PDS5A: variants seen among roughly 807,000 people sequenced by gnomAD.
The protein encoded by PDS5A is sister chromatid cohesion protein PDS5 homolog A.
PDS5A carries 42 observed loss-of-function variants against 167.1 expected under a neutral mutation model. The ratio of observed to expected loss-of-function variants is 0.25; its 90% CI spans 0.20 to 0.33. PDS5A has a LOEUF of 0.33. PDS5A is among the 10% of genes least tolerant of loss of function. The pLI is 1.00. For synonymous variants in PDS5A, 553 were observed against 554.6 expected, an observed-to-expected ratio of 1.00 and a Z score of 0.04; for missense variants, 1,033 against 1,605.9, an observed-to-expected ratio of 0.64 and a Z score of 6.10.
chr4:39,923,642 C>CACACACACAAACACACAA (rs767913218), intron 5 of PDS5A, among the ~76,000 whole-genome samples: 9,558 of 148,012 alleles, frequency 0.065, 415 homozygotes, highest in Non-Finnish European at 0.092. Flanking sequence ...TCTCAAAACA[C>CACACACACAAACACACAA]ACACACACAC....
intron 24 of PDS5A, 65 bp downstream of exon 24, chr4:39,863,271 C>T: frequency 8.1e-7 from 1 of 1,239,312 alleles, no homozygotes; most frequent in South Asian, 1.5e-5. Context: ...GGATTTGTAT[C>T]CATAGAAAAG....
At chr4:39,887,681 C>T (rs139157234) in intron 17 of PDS5A, among the ~76,000 whole-genome samples, 110 of 152,186 alleles carry the variant, frequency 7.2e-4, no homozygotes, top group East Asian at 5.2e-3. Flanking sequence ...TTTGTGTTAA[C>T]ATCCCAAAAG....
chr4:39,829,562 G>GC (rs1715623942), intron 32 of PDS5A, among the ~76,000 whole-genome samples: 1 of 151,754 alleles, frequency 6.6e-6, no homozygotes, highest in Non-Finnish European at 1.5e-5. Flanking sequence ...CAGAAAAATT[G>GC]CTTTAATCCA....
intron 2 of PDS5A, among the ~76,000 whole-genome samples, chr4:39,954,670 TAAAAAAAAAA>T (rs777287409): frequency 2.9e-4 from 14 of 48,284 alleles, no homozygotes; most frequent in Middle Eastern, 0.011. Context: ...AAGAGATAAG[TAAAAAAAAAA>T]AAAAAAAAAA....
intron 16 of PDS5A, among the ~76,000 whole-genome samples, chr4:39,891,279 C>T (rs1463806536): frequency 1.3e-5 from 2 of 151,842 alleles, no homozygotes; most frequent in Admixed American, 1.3e-4. Context: ...GTGATCCAAC[C>T]CGCCTCGGCC....
intron 2 of PDS5A, among the ~76,000 whole-genome samples, chr4:39,947,847 A>G (rs1381568592): frequency 6.6e-6 from 1 of 152,166 alleles, no homozygotes; most frequent in African/African-American, 2.4e-5. Flanking sequence ...CCATGATGGA[A>G]CACCTCCCAG....
chr4:39,870,334 T>G (rs1357266562), intron 21 of PDS5A, among the ~76,000 whole-genome samples: 7 of 151,906 alleles, frequency 4.6e-5, no homozygotes, highest in Non-Finnish European at 1.0e-4. Context: ...ATACAGAAAA[T>G]GTAAATAACT....
At chr4:39,941,193 C>T (rs138999080) in intron 2 of PDS5A, among the ~76,000 whole-genome samples, 2 of 150,524 alleles carry the variant, frequency 1.3e-5, no homozygotes, top group African/African-American at 4.9e-5. Flanking sequence ...TCTGTGAAGG[C>T]AATAGATTTA....
In PDS5A at chr4:39,862,806, A is replaced by G. The variant is rs950384281; in HGVS notation, c.2971+63T>C. On this transcript the variant is annotated intron_variant, in intron 25 of 32. Coordinates refer to ENST00000303538, the MANE Select transcript of PDS5A (RefSeq NM_001100399.2). ...AATAGAAACACATGACAAGAAAAAA[A>G]AAACCTAAAAATGGATACATTGACA... 2.2e-5 allele frequency: 23 copies of G among 1,065,914 alleles called. No homozygotes were observed. In the African/African-American group the frequency reaches 3.5e-4, roughly 16 times the overall value. The allele number at this position is 1,065,914 out of a possible 1,614,324, so 66.0% of individuals were successfully genotyped here.
Position 39,970,072 on chromosome 4 carries a change from G to A in PDS5A, c.138+6368C>T, listed in dbSNP as rs1730358004. Among the ~76,000 whole-genome samples, 3 of 151,578 alleles carry A rather than the reference G, an allele frequency of 2.0e-5. No individual in the cohort carries two copies. The South Asian group carries it at 6.2e-4, about 31-fold the overall frequency. On this transcript the variant is annotated intron_variant, in intron 2 of 32. Coordinates refer to ENST00000303538, the MANE Select transcript of PDS5A (RefSeq NM_001100399.2). ...TCACTATGTTGGTCAGACTGGTCTC[G>A]AACTCTTGACCTCGTGATCCACCCA... is the stretch of plus-strand genomic sequence containing the variant.
intron 2 of PDS5A, among the ~76,000 whole-genome samples, chr4:39,942,315 A>G (rs1727297958): frequency 6.6e-6 from 1 of 152,172 alleles, no homozygotes; most frequent in African/African-American, 2.4e-5. Context: ...TACACAGAAA[A>G]AAGAAAGCTC....
At chr4:39,857,057 G>T (rs1172515532) in intron 26 of PDS5A, among the ~76,000 whole-genome samples, 2 of 151,652 alleles carry the variant, frequency 1.3e-5, no homozygotes, top group Non-Finnish European at 2.9e-5. Flanking sequence ...AAAACCTAAT[G>T]AAATACTAAA....
chr4:39,967,899 AC>A (rs1730134919), intron 2 of PDS5A, among the ~76,000 whole-genome samples: 1 of 152,086 alleles, frequency 6.6e-6, no homozygotes, highest in Admixed American at 6.6e-5. Flanking sequence ...CTGGCAACAG[AC>A]CGAGAGACTC....
intron 23 of PDS5A, among the ~76,000 whole-genome samples, chr4:39,865,521 A>T (rs1719360008): frequency 6.6e-6 from 1 of 152,234 alleles, no homozygotes; most frequent in East Asian, 1.9e-4. Flanking sequence ...CCTAATCACA[A>T]TAATTTTTAA....
intron 16 of PDS5A, among the ~76,000 whole-genome samples, chr4:39,897,791 G>T (rs1722554116): frequency 6.6e-6 from 1 of 151,816 alleles, no homozygotes; most frequent in African/African-American, 2.4e-5. Flanking sequence ...CATGAGCACA[G>T]GACTTTAACG....
intron 2 of PDS5A, among the ~76,000 whole-genome samples, chr4:39,942,757 C>T (rs1399799855): frequency 2.0e-5 from 3 of 152,084 alleles, no homozygotes; most frequent in African/African-American, 4.8e-5. Context: ...TTGACTCCTT[C>T]GTACTGGAAA....
At chr4:39,944,264 C>T (rs942403624) in intron 2 of PDS5A, among the ~76,000 whole-genome samples, 2 of 151,762 alleles carry the variant, frequency 1.3e-5, no homozygotes. Flanking sequence ...CATTTATTTC[C>T]GCCTTCAAGA....
chr4:39,914,313 C>T (rs542562713), intron 8 of PDS5A, among the ~76,000 whole-genome samples: 5 of 152,008 alleles, frequency 3.3e-5, no homozygotes, highest in African/African-American at 2.4e-5. Flanking sequence ...AGGCGCCCAC[C>T]ACCGCACCAG....
intron 16 of PDS5A, among the ~76,000 whole-genome samples, chr4:39,895,221 A>G (rs943808539): frequency 7.3e-5 from 11 of 150,692 alleles, no homozygotes; most frequent in East Asian, 3.9e-4. Context: ...AAAAAAAAAA[A>G]AGAGAAATGT....
Sources: allele counts gnomAD v4.1 joint callset (sites outside exome capture counted in the v4.1 genomes callset), GRCh38; gene constraint gnomAD v4.1.1; transcripts MANE v1.5; gene names NCBI Gene and HGNC (gene_info 2026-07-23, HGNC 2026-07-21).